PCLO: variants seen among roughly 807,000 people sequenced by gnomAD.
PCLO encodes the protein protein piccolo.
Under a neutral mutation model 427.5 loss-of-function variants are expected in PCLO, and 82 were observed. That is an observed-to-expected ratio of 0.19 (90% CI 0.16 to 0.23). The LOEUF (loss-of-function observed/expected upper bound fraction) is 0.23. PCLO is among the 10% of genes least tolerant of loss of function. PCLO has a pLI of 1.00. For synonymous variants in PCLO, 2,357 were observed against 2,155.4 expected (o/e 1.09, Z -2.59); for missense variants, 6,239 against 6,115.9 (o/e 1.02, Z -0.67).
In PCLO at chr7:82,902,771, C is replaced by T; in HGVS notation, c.13438-30G>A. On this transcript the variant is annotated intron_variant, in intron 8 of 24. Coordinates refer to ENST00000333891, the MANE Select transcript of PCLO (RefSeq NM_033026.6). The stretch of plus-strand genomic sequence containing the variant: ...GACATACATGTAGTAAGGTAAAAAA[C>T]CAGCATTAAAGACACTTAAAGTGCA... 3 of 1,203,482 alleles carry T rather than the reference C, an allele frequency of 2.5e-6. No individual in the cohort carries two copies. The East Asian group carries it at 7.0e-5, about 28-fold the overall frequency. The allele number at this position is 1,203,482 out of a possible 1,614,324, so 74.6% of individuals were successfully genotyped here. A position where few individuals can be genotyped will look rare whatever the true frequency, so the allele number is the denominator to read the frequency against.
intron 10 of PCLO, among the ~76,000 whole-genome samples, chr7:82,851,523 G>A (rs1352778335): frequency 6.6e-6 from 1 of 151,504 alleles, no homozygotes; most frequent in Non-Finnish European, 1.5e-5. Context: ...ACAGAAGGGA[G>A]AGCAGAATGG....
intron 3 of PCLO, among the ~76,000 whole-genome samples, chr7:83,095,707 T>C (rs1448657784): frequency 6.6e-6 from 1 of 152,086 alleles, no homozygotes; most frequent in African/African-American, 2.4e-5. Context: ...AAGTATGCAG[T>C]TTAATCTCCA....
At chr7:82,947,595 G>GT (rs1322381207) in intron 6 of PCLO, among the ~76,000 whole-genome samples, 1 of 152,130 alleles carries the variant, frequency 6.6e-6, no homozygotes, top group Non-Finnish European at 1.5e-5. Flanking sequence ...ACCTGTGCAT[G>GT]TAATAAGACA....
chr7:82,768,016 G>A (rs1262702297), intron 22 of PCLO, among the ~76,000 whole-genome samples: 1 of 152,006 alleles, frequency 6.6e-6, no homozygotes, highest in Non-Finnish European at 1.5e-5. Context: ...GAGACAGGGA[G>A]GGAGGAGGAA....
rs1793605846 is a variant in PCLO at position 82,885,476 on chromosome 7, G to A, written c.13529-6014C>T. On this transcript the variant is annotated intron_variant, in intron 9 of 24. Transcript: ENST00000333891. ...AGCCATGCCTGGATTATTGACCCAT[G>A]AGAATGACAAGATAGTGAATATGTG... Among the ~76,000 whole-genome samples the A allele has an allele frequency of 6.6e-5, 10 of 152,296 alleles. No individual in the cohort carries two copies. In the South Asian group the frequency reaches 2.1e-3, roughly 32 times the overall value.
chr7:82,802,406 T>C (rs1223127549), intron 21 of PCLO, among the ~76,000 whole-genome samples: 2 of 152,158 alleles, frequency 1.3e-5, no homozygotes, highest in Admixed American at 6.5e-5. Context: ...CTTTTAGTTT[T>C]CAGCTTCAAA....
At chr7:82,937,310 T>C (rs1333436968) in intron 6 of PCLO, among the ~76,000 whole-genome samples, 2 of 151,274 alleles carry the variant, frequency 1.3e-5, no homozygotes, top group Non-Finnish European at 3.0e-5. Context: ...CATTTCATGG[T>C]AATGCCTGTT....
At chr7:83,085,941 T>C (rs1584001945) in intron 3 of PCLO, among the ~76,000 whole-genome samples, 1 of 152,236 alleles carries the variant, frequency 6.6e-6, no homozygotes, top group East Asian at 1.9e-4. Context: ...TTAATTGTAT[T>C]AACAATATAA....
chr7:82,952,186 T>C lies in PCLO; in HGVS notation c.8767A>G (p.Ile2923Val), dbSNP rs1214143114. 2 of 1,613,620 alleles carry C rather than the reference T, an allele frequency of 1.2e-6. No individual in the cohort carries two copies. The highest frequency in any genetic ancestry group is 1.7e-6 in the Non-Finnish European group (2 of 1,179,806). Reference sequence around the variant, plus strand: ...TCAACGGGTTTTTCATCTTCTATTATTTTGGTCATCACACTTGAAGTAGAC... The same window carrying C: ...TCAACGGGTTTTTCATCTTCTATTACTTTGGTCATCACACTTGAAGTAGAC... ...DESTSSVMTK[I>V]IEDEKPVDLT... The change falls in exon 5 of 25, where the codon ATA becomes GTA. Residue 2923 changes from isoleucine (I) to valine (V), a missense_variant. Coordinates refer to ENST00000333891, the MANE Select transcript of PCLO (RefSeq NM_033026.6).
intron 20 of PCLO, 187 bp downstream of exon 20, chr7:82,822,308 T>TA (rs962439886): frequency 7.2e-5 from 103 of 1,430,884 alleles, no homozygotes; most frequent in Non-Finnish European, 8.3e-5. Context: ...TCTATGTAAA[T>TA]AAAAAAAATC....
chr7:82,918,780 G>C (rs1370992110), intron 6 of PCLO, among the ~76,000 whole-genome samples: 1 of 151,982 alleles, frequency 6.6e-6, no homozygotes, highest in Non-Finnish European at 1.5e-5. Context: ...TGACAAAAGG[G>C]TGTTTAATTG....
intron 9 of PCLO, among the ~76,000 whole-genome samples, chr7:82,890,906 AAT>A (rs1191349347): frequency 3.1e-4 from 47 of 152,042 alleles, no homozygotes; most frequent in African/African-American, 1.0e-3. Context: ...CAAAGAAAAT[AAT>A]ATGTTTATTT....
Position 83,155,517 on chromosome 7 carries a change from T to TGAGCTGGAGGCTTAGCAGTACCAAGAG in PCLO, c.1123_1124insCTCTTGGTACTGCTAAGCCTCCAGCTC (p.Gln374_Gln375insProLeuGlyThrAlaLysProProAla). The stretch of plus-strand genomic sequence containing the variant: ...CGATGAAGGCTTCTCTGACCCAGTC[T>TGAGCTGGAGGCTTAGCAGTACCAAGAG]GCTGAGCTGGAGGCTTAGCAGGACC... On this transcript the variant is annotated inframe_insertion, in exon 2 of 25. Transcript: ENST00000333891. The TGAGCTGGAGGCTTAGCAGTACCAAGAG allele has an allele frequency of 6.2e-7, 1 of 1,609,456 alleles. No homozygotes were observed. The highest frequency in any genetic ancestry group is 8.5e-7 in the Non-Finnish European group (1 of 1,176,736).
At chr7:82,967,324 G>A (rs375551715) in intron 3 of PCLO, among the ~76,000 whole-genome samples, 21 of 150,876 alleles carry the variant, frequency 1.4e-4, no homozygotes, top group African/African-American at 2.2e-4. Flanking sequence ...TCAGGCACGC[G>A]CCACCCATGC....
intron 3 of PCLO, among the ~76,000 whole-genome samples, chr7:83,050,227 A>AAAAAAAAAAACAAAAACAAAAAC (rs1789209262): frequency 1.2e-5 from 1 of 85,620 alleles, no homozygotes; most frequent in Non-Finnish European, 2.7e-5. Context: ...AAAAAAAAAA[A>AAAAAAAAAAACAAAAACAAAAAC]AAAAAAAAAA....
intron 3 of PCLO, among the ~76,000 whole-genome samples, chr7:83,130,526 A>AT (rs1430578479): frequency 6.6e-6 from 1 of 152,090 alleles, no homozygotes; most frequent in Non-Finnish European, 1.5e-5. Flanking sequence ...GAATTCTTTT[A>AT]TCCTTATTGA....
At chr7:82,983,342 C>T (rs1204539607) in intron 3 of PCLO, among the ~76,000 whole-genome samples, 3 of 150,854 alleles carry the variant, frequency 2.0e-5, no homozygotes, top group African/African-American at 2.4e-5. Context: ...TGACAATTAA[C>T]CAATGTGTAA....
intron 20 of PCLO, among the ~76,000 whole-genome samples, chr7:82,808,134 A>G (rs1054309617): frequency 2.6e-5 from 4 of 152,122 alleles, no homozygotes; most frequent in African/African-American, 9.6e-5. Context: ...ATGGGATTCT[A>G]TAATCCAATT....
At chr7:82,869,291 G>C (rs1246380253) in intron 10 of PCLO, among the ~76,000 whole-genome samples, 1 of 151,940 alleles carries the variant, frequency 6.6e-6, no homozygotes, top group Non-Finnish European at 1.5e-5. Context: ...TTGTTTTAAT[G>C]TCCTAACTCT....
Sources: gnomAD v4.1 joint callset for allele counts (sites outside exome capture counted in the v4.1 genomes callset) on GRCh38, gnomAD v4.1.1 for gene constraint, MANE v1.5 for transcripts, NCBI Gene and HGNC (gene_info 2026-07-23, HGNC 2026-07-21) for gene names.